The following PARP6 variants were observed in gnomAD, a reference collection of about 807,000 sequenced individuals.
The protein encoded by PARP6 is poly(ADP-ribose) polymerase family member 6.
Under a neutral mutation model 92.0 loss-of-function variants are expected in PARP6, and 27 were observed. The ratio of observed to expected loss-of-function variants is 0.29; its 90% CI spans 0.22 to 0.40. The LOEUF (loss-of-function observed/expected upper bound fraction) is 0.40. Ranked by LOEUF, PARP6 falls within the 10% of genes least tolerant of loss-of-function variation. PARP6 has a pLI of 1.00. For synonymous variants in PARP6, 272 were observed against 281.2 expected, an observed-to-expected ratio of 0.97 and a Z score of 0.33; for missense variants, 501 against 784.5, an observed-to-expected ratio of 0.64 and a Z score of 4.32.
rs776419660 is a variant in PARP6, at chr15:72,241,870, G to A, written c.1790+31C>T. 2.6e-5 allele frequency: 40 copies of A among 1,515,232 alleles called. No individual in the cohort carries two copies. Among genetic ancestry groups the A allele is most frequent in the South Asian group, 5.6e-5 (5 of 89,100 alleles). 93.9% of individuals were successfully genotyped at this position (1,515,232 alleles called of 1,614,324 possible). ...CATCACACCCCCAACCTCACTCCTC[G>A]AGTAATCCCCAGAGTCCCTCCGACA... On this transcript the variant is annotated intron_variant, in intron 23 of 23. Transcript: ENST00000569795. This position sits in a 1 kb window ranked among gnomAD's most constrained non-coding sequence, Gnocchi z 4.1.
intron 2 of PARP6, among the ~76,000 whole-genome samples, chr15:72,269,623 G>C (rs1022055633): frequency 1.3e-5 from 2 of 152,036 alleles, no homozygotes; most frequent in African/African-American, 4.8e-5. Context: ...GAAATGGCCA[G>C]GCACTGAGGC....
Position 72,246,732 on chromosome 15 carries a change from C to A in PARP6, c.1561+2513G>T, listed in dbSNP as rs1228006076. On this transcript the variant is annotated intron_variant, in intron 20 of 23. Transcript: ENST00000569795. ...AGTCTCACTCTGTCTTCTGGGACTT[C>A]CCTCTTCTTATTGAACATATTTATT... is the stretch of plus-strand genomic sequence containing the variant. Among the ~76,000 whole-genome samples the A allele has an allele frequency of 7.9e-4, 120 of 151,426 alleles. 1 individual carries two copies. The Admixed American group carries it at 8.0e-3, about 10-fold the overall frequency.
intron 2 of PARP6, among the ~76,000 whole-genome samples, chr15:72,269,447 C>T (rs1255708390): frequency 6.6e-6 from 1 of 152,022 alleles, no homozygotes; most frequent in Non-Finnish European, 1.5e-5. Flanking sequence ...AGATGTGAGC[C>T]ACTGTGCCTG....
chr15:72,268,455 TAAA>T (rs2086898203), intron 2 of PARP6, among the ~76,000 whole-genome samples: 1 of 152,224 alleles, frequency 6.6e-6, no homozygotes, highest in Non-Finnish European at 1.5e-5. Flanking sequence ...ATAGCTAACT[TAAA>T]AAGTCCTCAA....
At chr15:72,257,263 G>A in intron 13 of PARP6, 85 bp downstream of exon 13, 1 of 965,760 alleles carries the variant, frequency 1.0e-6, no homozygotes, top group African/African-American at 1.6e-5. Context: ...AAGCATTTTT[G>A]GAAGTTAAAT....
rs1298892888 is a variant in PARP6 at position 72,242,384 on chromosome 15, G to C, written c.1642-164C>G. On this transcript the variant is annotated intron_variant, in intron 21 of 23. Coordinates refer to ENST00000569795, the MANE Select transcript of PARP6 (RefSeq NM_001323532.2). The surrounding 1 kb of genome is among the most constrained non-coding windows in gnomAD (Gnocchi z 4.3). ...ATTCTTCTTTCCCATAATCAGTCTG[G>C]ATAGGGTCACAGCTTCCATCTTTAC... is the stretch of plus-strand genomic sequence containing the variant. Among the ~76,000 whole-genome samples the C allele has an allele frequency of 6.6e-6, 1 of 152,122 alleles. No individual in the cohort carries two copies. Among genetic ancestry groups the C allele is most frequent in the Non-Finnish European group, 1.5e-5 (1 of 68,022 alleles).
At chr15:72,266,288 C>T (rs1226432919) in intron 4 of PARP6, among the ~76,000 whole-genome samples, 1 of 152,168 alleles carries the variant, frequency 6.6e-6, no homozygotes, top group Non-Finnish European at 1.5e-5. Context: ...GACCAGGATA[C>T]CTTCTATGAC....
rs1489199753 is a variant in PARP6, at chr15:72,260,542, G to C, written c.692C>G (p.Pro231Arg). The C allele has an allele frequency of 1.2e-6, 2 of 1,614,210 alleles. No homozygotes were observed. The highest frequency in any genetic ancestry group is 1.7e-6 in the Non-Finnish European group (2 of 1,180,046). ...KVEVFGYPPS[P>R]QAGLLCPQHV... ...CTGAGGGCACAGGAGACCTGCCTGG[G>C]GGCTGGGAGGGTAGCCAAACACTTC... Residue 231 changes from proline (P) to arginine (R), a missense_variant, in exon 10 of 24, where the codon CCC becomes CGC. By Grantham distance (103) the Pro-to-Arg change is moderately radical. This residue lies in a region of PARP6 where 291 missense variants were observed against 352.0 expected (regional missense o/e 0.83). Transcript: ENST00000569795.
At chr15:72,253,411 A>G in intron 16 of PARP6, 26 bp downstream of exon 16, 1 of 1,584,678 alleles carries the variant, frequency 6.3e-7, no homozygotes. Flanking sequence ...CCATAACCCA[A>G]GAAGGATGAG....
At position 72,265,933 on chromosome 15, in the gene PARP6, A is replaced by G. The variant is rs759637570; in HGVS notation, c.140T>C (p.Val47Ala). 2.4e-5 allele frequency: 38 copies of G among 1,613,840 alleles called. No individual in the cohort carries two copies. In the South Asian group the frequency reaches 4.1e-4, roughly 17 times the overall value. Residue 47 changes from valine (V) to alanine (A), a missense_variant, in exon 5 of 24, where the codon GTG becomes GCG. By Grantham distance (64) the Val-to-Ala change is moderately conservative. This residue lies in a region of PARP6 where 291 missense variants were observed against 352.0 expected (regional missense o/e 0.83). Coordinates refer to ENST00000569795, the MANE Select transcript of PARP6 (RefSeq NM_001323532.2). The stretch of plus-strand genomic sequence containing the variant: ...AGAGTTCTCACTGTAGATCTCCTTC[A>G]CGGCTTCAATGTCTGCATCAAGCTG... ...HPQLDADIEA[V>A]KEIYSENSVS...
At chr15:72,247,675 T>A (rs1384011866) in intron 20 of PARP6, among the ~76,000 whole-genome samples, 1 of 152,244 alleles carries the variant, frequency 6.6e-6, no homozygotes, top group Non-Finnish European at 1.5e-5. Flanking sequence ...TTTTATAGTA[T>A]TATGATTATA....
In PARP6 at chr15:72,241,637, G is replaced by T; in HGVS notation, c.1791-80C>A. ...ATCAATCAGTGGAACTGTATTTCAA[G>T]GTATGGCCATCCCATCCCAGAAGTC... On this transcript the variant is annotated intron_variant, in intron 23 of 23. Coordinates refer to ENST00000569795, the MANE Select transcript of PARP6 (RefSeq NM_001323532.2). This position sits in a 1 kb window ranked among gnomAD's most constrained non-coding sequence, Gnocchi z 4.1. 1 of 1,109,136 alleles carries T rather than the reference G, an allele frequency of 9.0e-7. No homozygotes were observed. Among genetic ancestry groups the T allele is most frequent in the Non-Finnish European group, 1.4e-6 (1 of 729,764 alleles). 68.7% of individuals were successfully genotyped at this position (1,109,136 alleles called of 1,614,324 possible).
chr15:72,266,698 C>T (rs769075094), intron 4 of PARP6, 47 bp downstream of exon 4: 1 of 1,375,012 alleles, frequency 7.3e-7, no homozygotes, highest in Non-Finnish European at 1.0e-6. Flanking sequence ...AAAAGCAGCA[C>T]ATATCTAGAC....
At chr15:72,249,956 C>G in intron 19 of PARP6, 64 bp downstream of exon 19, 1 of 1,082,046 alleles carries the variant, frequency 9.2e-7, no homozygotes, top group South Asian at 1.3e-5. Context: ...CTAGAGCAGC[C>G]TTCCACAAAA....
intron 12 of PARP6, among the ~76,000 whole-genome samples, 188 bp downstream of exon 12, chr15:72,257,849 T>C (rs1303506558): frequency 6.6e-6 from 1 of 152,222 alleles, no homozygotes; most frequent in Non-Finnish European, 1.5e-5. Flanking sequence ...TAAATAAATA[T>C]TCTCATATCC....
intron 17 of PARP6, 63 bp downstream of exon 17, chr15:72,251,144 T>G: frequency 8.5e-7 from 1 of 1,182,762 alleles, no homozygotes; most frequent in Non-Finnish European, 1.3e-6. Context: ...GTTAGCTGGC[T>G]TCCAGCCCCT....
rs774240035 is a variant in PARP6 at position 72,250,904 on chromosome 15, A to G, written c.1359T>C (p.Pro453=). The G allele has an allele frequency of 1.2e-6, 2 of 1,612,638 alleles. No homozygotes were observed. Among genetic ancestry groups the G allele is most frequent in the Non-Finnish European group, 1.7e-6 (2 of 1,179,374 alleles). Residue 453 remains proline, a synonymous_variant, in exon 18 of 24, where the codon CCT becomes CCC. Coordinates refer to ENST00000569795, the MANE Select transcript of PARP6 (RefSeq NM_001323532.2). Reference sequence around the variant, plus strand: ...CGGTCCGGAACCGAGCCTCCTTGGCAGGAGGGCTGCTCAGCAGGAGGAACT... The same window carrying G: ...CGGTCCGGAACCGAGCCTCCTTGGCGGGAGGGCTGCTCAGCAGGAGGAACT... ...SHQFLLLSSP[P]AKEARFRTAK... is the part of the protein sequence containing the mutation.
intron 16 of PARP6, among the ~76,000 whole-genome samples, chr15:72,252,429 T>C (rs2084487820): frequency 6.6e-6 from 1 of 152,218 alleles, no homozygotes; most frequent in Non-Finnish European, 1.5e-5. Flanking sequence ...TTATTAGCTC[T>C]ACTGAACCAT....
intron 2 of PARP6, among the ~76,000 whole-genome samples, chr15:72,269,899 CAAAAAAAAA>C (rs59023007): frequency 2.0e-5 from 2 of 100,224 alleles, no homozygotes; most frequent in Non-Finnish European, 4.2e-5. Context: ...AACTCTGTCT[CAAAAAAAAA>C]AAAAAAAAAA....
Sources: allele counts gnomAD v4.1 joint callset (sites outside exome capture counted in the v4.1 genomes callset), GRCh38; gene constraint gnomAD v4.1.1; regional missense constraint gnomAD v4.1.1; non-coding constraint Gnocchi (gnomAD v3.1); transcripts MANE v1.5; gene names NCBI Gene and HGNC (gene_info 2026-07-23, HGNC 2026-07-21).